Variants in DDX1 observed in about 807,000 individuals in gnomAD.
The protein encoded by DDX1 is DEAD-box helicase 1, also known as ATP-dependent RNA helicase DDX1.
In DDX1, 28 loss-of-function variants were observed where a neutral mutation model predicts 108.7. The observed-to-expected ratio is 0.26, with a 90% confidence interval of 0.19 to 0.35. The LOEUF (loss-of-function observed/expected upper bound fraction) is 0.35, where lower values mean the gene tolerates loss of function less well. Ranked by LOEUF, DDX1 falls within the 10% of genes least tolerant of loss-of-function variation. The pLI, the probability that DDX1 is intolerant of heterozygous loss-of-function variation, is 1.00. For missense variants in DDX1, 710 were observed against 884.5 expected (o/e 0.80, Z 2.50); for synonymous variants, 295 against 288.9 (o/e 1.02, Z -0.21).
intron 10 of DDX1, among the ~76,000 whole-genome samples, chr2:15,605,053 G>C (rs1320477410): frequency 1.3e-5 from 2 of 152,142 alleles, no homozygotes; most frequent in African/African-American, 4.8e-5. Context: ...TGAGTGAGGT[G>C]GTGAGGCCAG....
Position 15,591,887 on chromosome 2 carries a change from C to A in DDX1, c.-47C>A, listed in dbSNP as rs199677503. The A allele has an allele frequency of 2.0e-3, 2,952 of 1,466,202 alleles. 21 individuals carry two copies. The highest frequency in any genetic ancestry group is 0.017 in the Middle Eastern group (94 of 5,488). The allele number at this position is 1,466,202 out of a possible 1,614,324, so 90.8% of individuals were successfully genotyped here. A position where few individuals can be genotyped will look rare whatever the true frequency, so the allele number is the denominator to read the frequency against. ...GCCGCCACTGCCACGCCGTGTCAGT[C>A]GGGAGGGAGGGAGCGAGCAGGCGAA... On this transcript the variant is annotated 5_prime_UTR_variant, in exon 1 of 26. Coordinates refer to ENST00000233084, the MANE Select transcript of DDX1 (RefSeq NM_004939.3).
At chr2:15,602,341 A>T (rs1170978798) in intron 6 of DDX1, among the ~76,000 whole-genome samples, 1 of 152,214 alleles carries the variant, frequency 6.6e-6, no homozygotes, top group Non-Finnish European at 1.5e-5. Flanking sequence ...AGCCAAGGAC[A>T]CCCAGGGAAT....
chr2:15,628,810 A>C lies in DDX1; in HGVS notation c.1846A>C (p.Ile616Leu). Residue 616 changes from isoleucine to leucine, a missense_variant, in exon 23 of 26, where the codon ATT becomes CTT. Transcript: ENST00000233084. ...ACCATCTTTCAGGATGGGTCTGGCA[A>C]TTTCCCTGGTGGCAACAGAAAAAGA... ...VGRAERMGLAISLVATEKEKV... is the reference protein window; with the variant it reads ...VGRAERMGLALSLVATEKEKV... 2 of 1,613,740 alleles carry C rather than the reference A, an allele frequency of 1.2e-6. No homozygotes were observed. The highest frequency in any genetic ancestry group is 1.7e-6 in the Non-Finnish European group (2 of 1,179,750).
chr2:15,627,904 C>T (rs1212137977), intron 20 of DDX1, among the ~76,000 whole-genome samples: 2 of 152,124 alleles, frequency 1.3e-5, no homozygotes, highest in Non-Finnish European at 2.9e-5. Context: ...GTATACCCTT[C>T]TTCCCTCCCC....
chr2:15,611,209 A>G (rs1665747159), intron 13 of DDX1, among the ~76,000 whole-genome samples: 1 of 150,646 alleles, frequency 6.6e-6, no homozygotes, highest in Non-Finnish European at 1.5e-5. Context: ...GGGTAAGGTC[A>G]CAGATCAACA....
At chr2:15,602,736 G>A (rs745700276) in intron 7 of DDX1, 105 bp downstream of exon 7, 10 of 861,100 alleles carry the variant, frequency 1.2e-5, no homozygotes, top group East Asian at 2.7e-5. Flanking sequence ...AGTCTCGCAC[G>A]TCGCCCGGGC....
chr2:15,594,349 TAAAATA>T, intron 1 of DDX1, among the ~76,000 whole-genome samples: 1 of 152,278 alleles, frequency 6.6e-6, no homozygotes, highest in East Asian at 1.9e-4. Context: ...AATACAGACT[TAAAATA>T]AAAATCACTT....
chr2:15,594,828 C>A lies in DDX1; in HGVS notation c.17-317C>A, dbSNP rs115391197. 6.4e-3 allele frequency among the ~76,000 whole-genome samples: 981 copies of A among 152,288 alleles called. 12 individuals carry two copies. Among genetic ancestry groups the A allele is most frequent in the African/African-American group, 0.022 (928 of 41,548 alleles). ...GTGGCTACAGTTTATTAGGTGACAACCATGCTCCAGTTGCATTACATGATT... is the reference window on the plus strand; with the variant it reads ...GTGGCTACAGTTTATTAGGTGACAAACATGCTCCAGTTGCATTACATGATT... On this transcript the variant is annotated intron_variant, in intron 1 of 25. Transcript: ENST00000233084.
intron 13 of DDX1, among the ~76,000 whole-genome samples, chr2:15,611,752 C>T (rs557498406): frequency 1.2e-5 from 1 of 86,644 alleles, no homozygotes. Context: ...ACCCCCCCAC[C>T]TCCCTCCCGG....
At chr2:15,627,272 C>T (rs1405431820) in intron 20 of DDX1, 127 bp downstream of exon 20, 2 of 542,368 alleles carry the variant, frequency 3.7e-6, no homozygotes, top group East Asian at 3.1e-5. Context: ...TCTACCCTAA[C>T]TAATGTGTCA....
At chr2:15,625,369 G>A (rs978795913) in intron 19 of DDX1, among the ~76,000 whole-genome samples, 5 of 152,132 alleles carry the variant, frequency 3.3e-5, no homozygotes, top group Admixed American at 2.6e-4. Flanking sequence ...ATGATGTTCT[G>A]TATCCTAATG....
rs373647613 is a variant in DDX1, at chr2:15,620,411, A to T, written c.1395+15A>T. ...GCCACATTAGAGTAAGTGGTTTATA[A>T]TATTAACATTTATGTAGAATAAAGC... is the stretch of plus-strand genomic sequence containing the variant. On this transcript the variant is annotated intron_variant, in intron 17 of 25. Transcript: ENST00000233084. 2.7e-4 allele frequency: 425 copies of T among 1,594,086 alleles called. No individual in the cohort carries two copies. The highest frequency in any genetic ancestry group is 3.5e-4 in the Non-Finnish European group (411 of 1,170,744).
chr2:15,625,246 A>C (rs888850560), intron 19 of DDX1, among the ~76,000 whole-genome samples: 5 of 152,082 alleles, frequency 3.3e-5, no homozygotes, highest in Non-Finnish European at 1.5e-5. Context: ...TGACATTTTT[A>C]AAAAGTCAGA....
At chr2:15,608,529 A>G (rs1665702966) in intron 13 of DDX1, among the ~76,000 whole-genome samples, 1 of 114,614 alleles carries the variant, frequency 8.7e-6, no homozygotes, top group Non-Finnish European at 2.1e-5. Flanking sequence ...CTCCGTCTCA[A>G]AAAAAAAAAA....
At chr2:15,608,180 TTTAA>T (rs1411900288) in intron 13 of DDX1, among the ~76,000 whole-genome samples, 1 of 152,154 alleles carries the variant, frequency 6.6e-6, no homozygotes, top group African/African-American at 2.4e-5. Context: ...TAATTTTGTC[TTTAA>T]TTACTTTTTA....
At chr2:15,613,436 T>G (rs976017142) in intron 14 of DDX1, 152 bp downstream of exon 14, 1 of 491,366 alleles carries the variant, frequency 2.0e-6, no homozygotes, top group Non-Finnish European at 3.6e-6. Flanking sequence ...CAAGTGCGCC[T>G]TTTCTTCTCC....
rs779201232 is a variant in DDX1, at chr2:15,606,247, T to C, written c.800T>C (p.Val267Ala). 1 of 1,613,164 alleles carries C rather than the reference T, an allele frequency of 6.2e-7. No homozygotes were observed. Among genetic ancestry groups the C allele is most frequent in the Non-Finnish European group, 8.5e-7 (1 of 1,179,172 alleles). The change falls in exon 12 of 26, where the codon GTC (valine) becomes GCC (alanine). Residue 267 changes from valine (V) to alanine (A), a missense_variant. Physicochemically the swap from Val to Ala is moderately conservative, Grantham distance 64. Transcript: ENST00000233084. ...ALSKAPDGYI[V>A]KSQHSGNAQV... ...TCCAAGGCACCGGATGGTTACATTG[T>C]CAAATCACAGCACTCAGGTATTATA...
intron 13 of DDX1, among the ~76,000 whole-genome samples, chr2:15,611,533 C>A (rs1317086288): frequency 7.1e-6 from 1 of 141,302 alleles, no homozygotes; most frequent in Admixed American, 6.9e-5. Flanking sequence ...CCACCTCCCT[C>A]CCGGACGGGG....
At chr2:15,612,086 G>GT (rs1665777572) in intron 13 of DDX1, among the ~76,000 whole-genome samples, 1 of 142,922 alleles carries the variant, frequency 7.0e-6, no homozygotes, top group Non-Finnish European at 1.5e-5. Context: ...TGGCTGGCGG[G>GT]GCCTGACCCC....
Sources: allele counts gnomAD v4.1 joint callset (sites outside exome capture counted in the v4.1 genomes callset), GRCh38; gene constraint gnomAD v4.1.1; transcripts MANE v1.5; gene names NCBI Gene and HGNC (gene_info 2026-07-23, HGNC 2026-07-21).